The following MT1E variants were observed in gnomAD, a reference collection of about 807,000 sequenced individuals.
MT1E encodes the protein metallothionein-1E.
MT1E carries 1 observed loss-of-function variant against 2.4 expected under a neutral mutation model. The ratio of observed to expected loss-of-function variants is 0.41; its 90% CI spans 0.15 to 1.97. The LOEUF (loss-of-function observed/expected upper bound fraction) is 1.97. Ranked by LOEUF, MT1E falls within the 30% of genes most tolerant of loss-of-function variation. The probability of loss-of-function intolerance (pLI) is 0.30; values close to 1 mark genes in which losing one functional copy is unlikely to be tolerated. For missense variants in MT1E, 145 were observed against 149.6 expected (o/e 0.97, Z 0.16); for synonymous variants, 78 against 63.0 (o/e 1.24, Z -1.13).
intron 1 of MT1E, among the ~76,000 whole-genome samples, chr16:56,626,082 C>T (rs1960204226): frequency 6.6e-6 from 1 of 152,168 alleles, no homozygotes; most frequent in South Asian, 2.1e-4. Flanking sequence ...AGGCTCAAGG[C>T]TGAACTGCTC....
At position 56,626,539 on chromosome 16, in the gene MT1E, C is replaced by A; in HGVS notation, c.102C>A (p.Cys34Ter). The stretch of plus-strand genomic sequence containing the variant: ...GCACCTCCTGCAAGAAGAGTGAGTG[C>A]GGGGCCATCTCCAGGAATCTGGGGC... ...CKCTSCKKSECGAISRNLGLW... is the reference protein window; with the variant it reads ...CKCTSCKKSE Residue 34 changes from cysteine (C) to a stop codon, truncating the protein, a stop_gained, in exon 2 of 2, where the codon TGC becomes TGA. Transcript: ENST00000330439. LOFTEE classifies it low-confidence loss of function (END_TRUNC). The A allele has an allele frequency of 6.2e-7, 1 of 1,614,232 alleles. No individual in the cohort carries two copies. The highest frequency in any genetic ancestry group is 8.5e-7 in the Non-Finnish European group (1 of 1,180,038).
rs760969449 is a variant in MT1E at position 56,626,463 on chromosome 16, T to C, written c.29-3T>C. On this transcript the variant is annotated splice_region_variant and splice_polypyrimidine_tract_variant and intron_variant, in intron 1 of 1. Transcript: ENST00000330439. Reference sequence around the variant, plus strand: ...GCCCACTGCGTTTTCCTCTTCCTTGTAGGTGGCTCCTGCACGTGCGCCGGC... The same window carrying C: ...GCCCACTGCGTTTTCCTCTTCCTTGCAGGTGGCTCCTGCACGTGCGCCGGC... 3.0e-5 allele frequency: 49 copies of C among 1,613,938 alleles called. No homozygotes were observed. The highest frequency in any genetic ancestry group is 4.0e-5 in the African/African-American group (3 of 74,924).
rs764030486 is a variant in MT1E, at chr16:56,625,866, C to T, written c.15C>T (p.Cys5=). The T allele has an allele frequency of 4.3e-6, 7 of 1,613,792 alleles. No homozygotes were observed. Among genetic ancestry groups the T allele is most frequent in the Non-Finnish European group, 5.9e-6 (7 of 1,180,032 alleles). The part of the protein sequence containing the change: MDPN[C]SCATGGSCTC... ...CTTTGCTCGAAATGGACCCCAACTG[C>T]TCTTGCGCCACTGGTAAGGGAAGCT... The change falls in exon 1 of 2, where the codon TGC becomes TGT. Residue 5 remains cysteine, a synonymous_variant. Coordinates refer to ENST00000330439, the MANE Select transcript of MT1E (RefSeq NM_001363555.2).
In MT1E at chr16:56,626,826, G is replaced by C. The variant is rs755129864; in HGVS notation, c.*5G>C. On this transcript the variant is annotated 3_prime_UTR_variant, in exon 2 of 2. Transcript: ENST00000330439. The stretch of plus-strand genomic sequence containing the variant: ...TCGAGCCAGGCTTGCTATTAGGGCA[G>C]GGAGGTGCCCGGTCAAGTCTACTGC... 2.8e-5 allele frequency: 45 copies of C among 1,614,058 alleles called. No individual in the cohort carries two copies. In the Middle Eastern group the frequency reaches 4.9e-4, roughly 18 times the overall value.
rs1334909016 is a variant in MT1E at position 56,626,830 on chromosome 16, G to A, written c.*9G>A. The A allele has an allele frequency of 6.2e-7, 1 of 1,614,166 alleles. No homozygotes were observed. The highest frequency in any genetic ancestry group is 1.3e-5 in the African/African-American group (1 of 75,046). Reference sequence around the variant, plus strand: ...GCCAGGCTTGCTATTAGGGCAGGGAGGTGCCCGGTCAAGTCTACTGCCACC... The same window carrying A: ...GCCAGGCTTGCTATTAGGGCAGGGAAGTGCCCGGTCAAGTCTACTGCCACC... On this transcript the variant is annotated 3_prime_UTR_variant, in exon 2 of 2. Transcript: ENST00000330439.
At chr16:56,626,409 A>G (rs1231418992) in intron 1 of MT1E, 57 bp from the exon 2 acceptor site, 3 of 1,613,712 alleles carry the variant, frequency 1.9e-6, no homozygotes, top group Non-Finnish European at 2.5e-6. Flanking sequence ...TCACTGACCC[A>G]CTGCTGTACC....
Position 56,626,498 on chromosome 16 carries a change from T to A in MT1E, c.61T>A (p.Cys21Ser), listed in dbSNP as rs138690474. 2,219 of 1,614,228 alleles carry A rather than the reference T, an allele frequency of 1.4e-3. 42 individuals are homozygous for A. In the South Asian group the frequency reaches 0.02, roughly 14 times the overall value. ...GSCTCAGSCK[C>S]KECKCTSCKK... Reference sequence around the variant, plus strand: ...CTGCACGTGCGCCGGCTCCTGCAAGTGCAAAGAGTGCAAATGCACCTCCTG... The same window carrying A: ...CTGCACGTGCGCCGGCTCCTGCAAGAGCAAAGAGTGCAAATGCACCTCCTG... Residue 21 changes from cysteine (C) to serine (S), a missense_variant, in exon 2 of 2, where the codon TGC becomes AGC. By Grantham distance (112) the Cys-to-Ser change is moderately radical. Coordinates refer to ENST00000330439, the MANE Select transcript of MT1E (RefSeq NM_001363555.2).
intron 1 of MT1E, 96 bp downstream of exon 1, chr16:56,625,975 G>C: frequency 2.9e-6 from 4 of 1,400,792 alleles, no homozygotes; most frequent in South Asian, 2.3e-5. Context: ...TCTGAGCGAC[G>C]GGGACTCCAG....
Position 56,627,006 on chromosome 16 carries a change from A to G in MT1E, c.*185A>G, listed in dbSNP as rs374065025. The G allele has an allele frequency of 1.8e-5, 29 of 1,607,032 alleles. No homozygotes were observed. In the African/African-American group the frequency reaches 3.1e-4, roughly 17 times the overall value. On this transcript the variant is annotated 3_prime_UTR_variant, in exon 2 of 2. Coordinates refer to ENST00000330439, the MANE Select transcript of MT1E (RefSeq NM_001363555.2). Reference sequence around the variant, plus strand: ...AGCTCTTCTCCCAGATGTAAATAGAACAACCTGCACAACCTGGATTTTTTT... The same window carrying G: ...AGCTCTTCTCCCAGATGTAAATAGAGCAACCTGCACAACCTGGATTTTTTT...
intron 1 of MT1E, 87 bp downstream of exon 1, chr16:56,625,966 C>T (rs1960202563): frequency 6.6e-7 from 1 of 1,513,226 alleles, no homozygotes; most frequent in Non-Finnish European, 9.2e-7. Context: ...ATTTTAAGTT[C>T]TGAGCGACGG....
rs760603187 is a variant in MT1E at position 56,626,883 on chromosome 16, G to A, written c.*62G>A. ...TCACTCTCCCCTTCTTCCCCAGGCT[G>A]CTGTTCCTGCTGCCCCGTGGGCTGT... On this transcript the variant is annotated 3_prime_UTR_variant, in exon 2 of 2. Coordinates refer to ENST00000330439, the MANE Select transcript of MT1E (RefSeq NM_001363555.2). 6.2e-7 allele frequency: 1 copy of A among 1,614,208 alleles called. No individual in the cohort carries two copies. The highest frequency in any genetic ancestry group is 1.1e-5 in the South Asian group (1 of 91,086).
rs752361084 is a variant in MT1E at position 56,626,761 on chromosome 16, C to T, written c.324C>T (p.Cys108=). 4 of 1,612,056 alleles carry T rather than the reference C, an allele frequency of 2.5e-6. No homozygotes were observed. The highest frequency in any genetic ancestry group is 1.7e-4 in the Middle Eastern group (1 of 6,058). ...CCTATGGTTTCAGAACAGAGCTGTG[C>T]CAGACGAAAAAAAGCATCCTCTGGG... ...CTPYGFRTEL[C]QTKKSILWVW... is the part of the protein sequence containing the mutation. The change falls in exon 2 of 2, where the codon TGC becomes TGT. Residue 108 remains cysteine (C), a synonymous_variant. Coordinates refer to ENST00000330439, the MANE Select transcript of MT1E (RefSeq NM_001363555.2).
chr16:56,626,757 T>C lies in MT1E; in HGVS notation c.320T>C (p.Leu107Pro), dbSNP rs1960216152. 6.2e-7 allele frequency: 1 copy of C among 1,611,920 alleles called. No individual in the cohort carries two copies. The highest frequency in any genetic ancestry group is 2.2e-5 in the East Asian group (1 of 44,818). Residue 107 changes from leucine (L) to proline (P), a missense_variant, in exon 2 of 2, where the codon CTG becomes CCG. Physicochemically the swap from Leu to Pro is moderately conservative, Grantham distance 98 (BLOSUM62 -3). Transcript: ENST00000330439. ...NCTPYGFRTE[L>P]CQTKKSILWV... Reference sequence around the variant, plus strand: ...ACCCCCTATGGTTTCAGAACAGAGCTGTGCCAGACGAAAAAAAGCATCCTC... The same window carrying C: ...ACCCCCTATGGTTTCAGAACAGAGCCGTGCCAGACGAAAAAAAGCATCCTC...
chr16:56,626,132 C>CA (rs1960204917), intron 1 of MT1E, among the ~76,000 whole-genome samples: 1 of 152,160 alleles, frequency 6.6e-6, no homozygotes, highest in Non-Finnish European at 1.5e-5. Flanking sequence ...GGCTGGGCCC[C>CA]AGTGCTCTGT....
intron 1 of MT1E, 47 bp from the exon 2 acceptor site, chr16:56,626,419 C>G: frequency 6.2e-7 from 1 of 1,614,180 alleles, no homozygotes; most frequent in Non-Finnish European, 8.5e-7. Flanking sequence ...ACTGCTGTAC[C>G]TTCTGCATCT....
At position 56,626,010 on chromosome 16, in the gene MT1E, G is replaced by C. The variant is rs1436721881; in HGVS notation, c.28+131G>C. On this transcript the variant is annotated intron_variant, in intron 1 of 1. Transcript: ENST00000330439. The stretch of plus-strand genomic sequence containing the variant: ...GTACTTCGTTAGATGCTTTCTTCCT[G>C]ATCACGCCCCTGAGAGCATTGCCCT... 2.8e-6 allele frequency: 3 copies of C among 1,082,456 alleles called. No individual in the cohort carries two copies. In the East Asian group the frequency reaches 7.1e-5, roughly 26 times the overall value. 67.1% of individuals were successfully genotyped at this position (1,082,456 alleles called of 1,614,324 possible). A position where few individuals can be genotyped will look rare whatever the true frequency, so the allele number is the denominator to read the frequency against.
rs747433169 is a variant in MT1E at position 56,626,802 on chromosome 16, C to G, written c.365C>G (p.Ser122Trp). 2.5e-6 allele frequency: 4 copies of G among 1,614,026 alleles called. No individual in the cohort carries two copies. Among genetic ancestry groups the G allele is most frequent in the East Asian group, 2.2e-5 (1 of 44,886 alleles). ...KSILWVWVLS[S>W]SQACY ...ATCCTCTGGGTCTGGGTTCTGAGCT[C>G]GAGCCAGGCTTGCTATTAGGGCAGG... is the stretch of plus-strand genomic sequence containing the variant. Residue 122 changes from serine to tryptophan, a missense_variant, in exon 2 of 2, where the codon TCG becomes TGG. Physicochemically the swap from Ser to Trp is radical, Grantham distance 177 (BLOSUM62 -3). Transcript: ENST00000330439.
At position 56,626,767 on chromosome 16, in the gene MT1E, G is replaced by GA. The variant is rs775075012; in HGVS notation, c.337dup (p.Ser113LysfsTer76). 9.3e-6 allele frequency: 15 copies of GA among 1,612,194 alleles called. No homozygotes were observed. Among genetic ancestry groups the GA allele is most frequent in the Non-Finnish European group, 1.2e-5 (14 of 1,179,478 alleles). On this transcript the variant is annotated frameshift_variant, in exon 2 of 2. Coordinates refer to ENST00000330439, the MANE Select transcript of MT1E (RefSeq NM_001363555.2). LOFTEE classifies it low-confidence loss of function (END_TRUNC). ...GTTTCAGAACAGAGCTGTGCCAGAC[G>GA]AAAAAAAGCATCCTCTGGGTCTGGG...
In MT1E at chr16:56,626,920, C is replaced by T. The variant is rs747060855; in HGVS notation, c.*99C>T. 29 of 1,614,072 alleles carry T rather than the reference C, an allele frequency of 1.8e-5. No individual in the cohort carries two copies. Among genetic ancestry groups the T allele is most frequent in the Non-Finnish European group, 2.5e-5 (29 of 1,180,046 alleles). ...GCCCCGTGGGCTGTGCCAAGTGTGCCCAGGGCTGCGTCTGCAAAGGGGCAT... is the reference window on the plus strand; with the variant it reads ...GCCCCGTGGGCTGTGCCAAGTGTGCTCAGGGCTGCGTCTGCAAAGGGGCAT... On this transcript the variant is annotated 3_prime_UTR_variant, in exon 2 of 2. Transcript: ENST00000330439.
Sources: allele counts gnomAD v4.1 joint callset (sites outside exome capture counted in the v4.1 genomes callset), GRCh38; gene constraint gnomAD v4.1.1; transcripts MANE v1.5; gene names NCBI Gene and HGNC (gene_info 2026-07-23, HGNC 2026-07-21).